GRIK2: variants seen among roughly 807,000 people sequenced by gnomAD.
GRIK2 encodes the protein glutamate ionotropic receptor kainate type subunit 2, also known as glutamate receptor ionotropic, kainate 2.
A neutral mutation model predicts 100.3 loss-of-function variants in GRIK2; 32 were observed. The ratio of observed to expected loss-of-function variants is 0.32; its 90% CI spans 0.24 to 0.43. The LOEUF (loss-of-function observed/expected upper bound fraction) is 0.43, where lower values mean the gene tolerates loss of function less well. GRIK2 is among the 20% of genes least tolerant of loss of function. The pLI is 1.00. For missense variants in GRIK2, 843 were observed against 1,114.9 expected (o/e 0.76, Z 3.47); for synonymous variants, 417 against 389.4 (o/e 1.07, Z -0.83).
At chr6:101,524,017 C>A (rs1775021809) in intron 2 of GRIK2, among the ~76,000 whole-genome samples, 1 of 152,186 alleles carries the variant, frequency 6.6e-6, no homozygotes, top group Non-Finnish European at 1.5e-5. Context: ...CCACCACACC[C>A]AGCTGATTCC....
chr6:102,018,931 G>C (rs62423083), intron 14 of GRIK2, among the ~76,000 whole-genome samples: 1 of 131,850 alleles, frequency 7.6e-6, no homozygotes, highest in Admixed American at 7.8e-5. Context: ...TCTGAGACAT[G>C]TCATTTTCTT....
intron 4 of GRIK2, among the ~76,000 whole-genome samples, chr6:101,634,737 G>A (rs1430959646): frequency 1.3e-5 from 2 of 151,430 alleles, no homozygotes; most frequent in Non-Finnish European, 2.9e-5. Flanking sequence ...AATATTTTTA[G>A]AAATAGTAAT....
intron 7 of GRIK2, among the ~76,000 whole-genome samples, chr6:101,781,766 G>A (rs1779111211): frequency 6.6e-6 from 1 of 151,366 alleles, no homozygotes. Context: ...TTTTTTTCAT[G>A]AAATTGTTCC....
intron 14 of GRIK2, among the ~76,000 whole-genome samples, chr6:101,934,103 A>G (rs987562305): frequency 5.9e-5 from 9 of 151,862 alleles, no homozygotes; most frequent in Admixed American, 2.6e-4. Context: ...GAAGGTAGGA[A>G]GCAATTATCA....
intron 4 of GRIK2, among the ~76,000 whole-genome samples, chr6:101,631,356 CAAAA>C (rs1374525024): frequency 1.3e-5 from 2 of 151,972 alleles, no homozygotes; most frequent in Admixed American, 1.3e-4. Context: ...AGTCCATTAA[CAAAA>C]AAACTCTGGA....
chr6:101,607,130 G>A (rs913367336), intron 2 of GRIK2, among the ~76,000 whole-genome samples: 12 of 151,906 alleles, frequency 7.9e-5, no homozygotes, highest in African/African-American at 2.9e-4. Context: ...GATATATGTT[G>A]GCTCTTATGT....
intron 14 of GRIK2, among the ~76,000 whole-genome samples, chr6:101,947,285 G>A (rs1372044880): frequency 6.6e-6 from 1 of 152,088 alleles, no homozygotes; most frequent in Non-Finnish European, 1.5e-5. Context: ...GTGAATTATA[G>A]AGTATTGAGA....
At chr6:101,596,449 A>G (rs1323162597) in intron 2 of GRIK2, among the ~76,000 whole-genome samples, 1 of 151,634 alleles carries the variant, frequency 6.6e-6, no homozygotes, top group Non-Finnish European at 1.5e-5. Flanking sequence ...TGAGATCACA[A>G]CAACTCTGTA....
intron 14 of GRIK2, among the ~76,000 whole-genome samples, chr6:101,958,107 G>T (rs1030958834): frequency 6.6e-6 from 1 of 151,914 alleles, no homozygotes; most frequent in Non-Finnish European, 1.5e-5. Flanking sequence ...AGGAAGTATG[G>T]TCATTTTAAC....
intron 7 of GRIK2, among the ~76,000 whole-genome samples, chr6:101,747,265 G>A (rs923006079): frequency 4.6e-5 from 7 of 152,152 alleles, no homozygotes; most frequent in Admixed American, 1.3e-4. Flanking sequence ...AGGATGTCAT[G>A]AATTCTAAAA....
At chr6:101,789,478 C>T (rs1054854891) in intron 7 of GRIK2, among the ~76,000 whole-genome samples, 31 of 152,264 alleles carry the variant, frequency 2.0e-4, no homozygotes, top group Non-Finnish European at 2.9e-4. Context: ...TTCCCCATTG[C>T]TTGTTTTTCT....
At chr6:102,052,402 A>G (rs1771246659) in intron 15 of GRIK2, among the ~76,000 whole-genome samples, 1 of 152,114 alleles carries the variant, frequency 6.6e-6, no homozygotes, top group South Asian at 2.1e-4. Flanking sequence ...AAACATTCCT[A>G]TGTTCATAAA....
intron 12 of GRIK2, among the ~76,000 whole-genome samples, chr6:101,898,316 T>C (rs1417102514): frequency 2.0e-5 from 3 of 151,966 alleles, no homozygotes; most frequent in Non-Finnish European, 4.4e-5. Context: ...GAAAAGCATT[T>C]GTATCACTTG....
chr6:101,889,805 T>A lies in GRIK2; in HGVS notation c.1690T>A (p.Trp564Arg). ...SFLNPLSPDI[W>R]MYILLAYLGV... ...CCTGAATCCTCTCTCCCCTGATATC[T>A]GGATGTATATTCTGCTGGCTTACTT... is the stretch of plus-strand genomic sequence containing the variant. Residue 564 changes from tryptophan (W) to arginine (R), a missense_variant, in exon 12 of 17, where the codon TGG becomes AGG. Physicochemically the swap from Trp to Arg is moderately radical, Grantham distance 101. Coordinates refer to ENST00000369134, the MANE Select transcript of GRIK2 (RefSeq NM_021956.5). The A allele has an allele frequency of 6.2e-7, 1 of 1,613,554 alleles. No individual in the cohort carries two copies.
At chr6:101,729,478 T>C (rs1775104957) in intron 7 of GRIK2, among the ~76,000 whole-genome samples, 1 of 152,042 alleles carries the variant, frequency 6.6e-6, no homozygotes, top group Non-Finnish European at 1.5e-5. Context: ...AATTATGAAA[T>C]TATAGAATAT....
chr6:101,747,878 A>G (rs1453943693), intron 7 of GRIK2, among the ~76,000 whole-genome samples: 3 of 152,184 alleles, frequency 2.0e-5, no homozygotes, highest in Non-Finnish European at 2.9e-5. Context: ...TTATTTCACA[A>G]CAATCTTATC....
rs995920905 is a variant in GRIK2, at chr6:102,020,170, C to T, written c.2086-15171C>T. Among the ~76,000 whole-genome samples, 4 of 151,746 alleles carry T rather than the reference C, an allele frequency of 2.6e-5. No individual in the cohort carries two copies. In the South Asian group the frequency reaches 8.3e-4, roughly 32 times the overall value. On this transcript the variant is annotated intron_variant, in intron 14 of 16. Transcript: ENST00000369134. ...ATGATTGCTAAGAAAACTCTTAGAC[C>T]TTTCATTCTGAAATTGTTTTTAGAA...
chr6:101,422,525 C>T (rs1776458539), intron 2 of GRIK2, among the ~76,000 whole-genome samples: 1 of 152,080 alleles, frequency 6.6e-6, no homozygotes, highest in Non-Finnish European at 1.5e-5. Flanking sequence ...CAATGTTTAA[C>T]AGCTTTGTGA....
At chr6:101,619,453 A>G (rs1178032053) in intron 2 of GRIK2, among the ~76,000 whole-genome samples, 1 of 151,958 alleles carries the variant, frequency 6.6e-6, no homozygotes, top group African/African-American at 2.4e-5. Context: ...ATTGATAAAG[A>G]ATAAGAAAGT....
Sources: gnomAD v4.1 joint callset for allele counts (sites outside exome capture counted in the v4.1 genomes callset) on GRCh38, gnomAD v4.1.1 for gene constraint, MANE v1.5 for transcripts, NCBI Gene and HGNC (gene_info 2026-07-23, HGNC 2026-07-21) for gene names.